The following RASGRF1 variants were observed in gnomAD, a reference collection of about 807,000 sequenced individuals.
The protein encoded by RASGRF1 is ras-specific guanine nucleotide-releasing factor 1.
A neutral mutation model predicts 138.7 loss-of-function variants in RASGRF1; 40 were observed. The observed-to-expected ratio is 0.29, with a 90% CI of 0.22 to 0.38. The LOEUF is 0.38. Ranked by LOEUF, RASGRF1 falls within the 10% of genes least tolerant of loss-of-function variation. The pLI, the probability that RASGRF1 is intolerant of heterozygous loss-of-function variation, is 1.00. For missense variants in RASGRF1, 1,108 were observed against 1,650.4 expected (o/e 0.67, Z 5.69); for synonymous variants, 614 against 663.2 (o/e 0.93, Z 1.14).
intron 22 of RASGRF1, 196 bp from the exon 23 acceptor site, chr15:78,985,400 T>C: frequency 1.8e-6 from 1 of 545,534 alleles, no homozygotes; most frequent in East Asian, 3.0e-5. Flanking sequence ...TATATATACA[T>C]TAGCAATAAT....
chr15:79,089,764 C>T (rs2058028769), intron 1 of RASGRF1, among the ~76,000 whole-genome samples: 1 of 152,266 alleles, frequency 6.6e-6, no homozygotes, highest in African/African-American at 2.4e-5. Context: ...GCTCGGACGC[C>T]TCCGTCTTGC....
rs1402870669 is a variant in RASGRF1 at position 79,027,046 on chromosome 15, C to G, written c.1381+695G>C. On this transcript the variant is annotated intron_variant, in intron 9 of 26. Coordinates refer to ENST00000558480, the MANE Select transcript of RASGRF1 (RefSeq NM_001145648.3). The surrounding 1 kb of genome is among the most constrained non-coding windows in gnomAD (Gnocchi z 4.8). The stretch of plus-strand genomic sequence containing the variant: ...ATCCCAGGGCTACAGAGAAGGGACT[C>G]TGGAGGTCCGTTTGAGGTGGAGGTC... 6.6e-6 allele frequency among the ~76,000 whole-genome samples: 1 copy of G among 152,208 alleles called. No individual in the cohort carries two copies. The highest frequency in any genetic ancestry group is 1.9e-4 in the East Asian group (1 of 5,194).
chr15:79,089,023 T>C lies in RASGRF1; in HGVS notation c.276+1200A>G, dbSNP rs533497562. Among the ~76,000 whole-genome samples the C allele has an allele frequency of 3.8e-4, 58 of 152,272 alleles. 1 individual carries two copies. Among genetic ancestry groups the C allele is most frequent in the Middle Eastern group, 3.4e-3 (1 of 294 alleles). On this transcript the variant is annotated intron_variant, in intron 1 of 26. Transcript: ENST00000558480. ...TGAGCTCGGATCTCTGTCCTGACAA[T>C]TGGGAGGAAGACTTCAAGCGATGCT...
At chr15:79,049,709 G>A (rs2057404733) in intron 3 of RASGRF1, 121 bp from the exon 4 acceptor site, 2 of 717,526 alleles carry the variant, frequency 2.8e-6, no homozygotes, top group Non-Finnish European at 4.6e-6. Flanking sequence ...TTCCCCAAGA[G>A]CCATGATGCC....
In RASGRF1 at chr15:79,050,575, G is replaced by A. The variant is rs528024290; in HGVS notation, c.532-987C>T. Among the ~76,000 whole-genome samples, 1 of 152,304 alleles carries A rather than the reference G, an allele frequency of 6.6e-6. No homozygotes were observed. Among genetic ancestry groups the A allele is most frequent in the African/African-American group, 2.4e-5 (1 of 41,562 alleles). On this transcript the variant is annotated intron_variant, in intron 3 of 26. Coordinates refer to ENST00000558480, the MANE Select transcript of RASGRF1 (RefSeq NM_001145648.3). This position sits in a 1 kb window ranked among gnomAD's most constrained non-coding sequence, Gnocchi z 4.1. ...TTCAATCATAACCTGGAAACTGCTGGCCTAGAAAAGTGGAGCAGCTCTTCA... is the reference window on the plus strand; with the variant it reads ...TTCAATCATAACCTGGAAACTGCTGACCTAGAAAAGTGGAGCAGCTCTTCA...
At chr15:78,999,704 C>A (rs2056476326) in intron 17 of RASGRF1, 39 bp downstream of exon 17, 2 of 1,601,114 alleles carry the variant, frequency 1.2e-6, no homozygotes, top group South Asian at 1.1e-5. Context: ...TGGGGCTGAC[C>A]ATGGGGAGGA....
chr15:79,064,110 T>C (rs2057644250), intron 2 of RASGRF1, among the ~76,000 whole-genome samples: 2 of 152,186 alleles, frequency 1.3e-5, no homozygotes, highest in African/African-American at 4.8e-5. Flanking sequence ...TTGGAGGCCT[T>C]AGGCTTCAGG....
chr15:79,018,029 A>G lies in RASGRF1; in HGVS notation c.1607-123T>C, dbSNP rs960643033. 4.2e-6 allele frequency: 5 copies of G among 1,179,158 alleles called. No homozygotes were observed. In the African/African-American group the frequency reaches 7.9e-5, roughly 19 times the overall value. The allele number at this position is 1,179,158 out of a possible 1,614,324, so 73.0% of individuals were successfully genotyped here. On this transcript the variant is annotated intron_variant, in intron 11 of 26. Transcript: ENST00000558480. ...TCTGCGTTGGTAAGGCACCAGGCCA[A>G]TTGCTGCTACTTTCAGAATATTATT...
At chr15:79,026,442 A>T (rs1219847598) in intron 9 of RASGRF1, among the ~76,000 whole-genome samples, 1 of 152,092 alleles carries the variant, frequency 6.6e-6, no homozygotes, top group Non-Finnish European at 1.5e-5. Context: ...TCCACCTGGC[A>T]CCTGGTGTTC....
At chr15:78,995,464 T>C (rs1489290080) in intron 20 of RASGRF1, among the ~76,000 whole-genome samples, 1 of 151,776 alleles carries the variant, frequency 6.6e-6, no homozygotes, top group Non-Finnish European at 1.5e-5. Context: ...AATTTTTGTA[T>C]TTTTAGTAGA....
chr15:79,055,772 G>C (rs1181723162), intron 3 of RASGRF1, among the ~76,000 whole-genome samples: 2 of 152,156 alleles, frequency 1.3e-5, no homozygotes, highest in African/African-American at 4.8e-5. Context: ...TGGGTTCACA[G>C]CGCAAGCCCT....
chr15:79,041,889 A>T (rs2057302010), intron 5 of RASGRF1, among the ~76,000 whole-genome samples: 1 of 152,154 alleles, frequency 6.6e-6, no homozygotes, highest in Admixed American at 6.5e-5. Context: ...TCCCCTGCTG[A>T]ACCTCATCAT....
rs57838945 is a variant in RASGRF1, at chr15:78,975,869, T to C, written c.3495-2449A>G. Among the ~76,000 whole-genome samples the C allele has an allele frequency of 3.7e-3, 565 of 152,336 alleles. 2 individuals carry two copies. Among genetic ancestry groups the C allele is most frequent in the African/African-American group, 0.013 (546 of 41,580 alleles). On this transcript the variant is annotated intron_variant, in intron 24 of 26. Coordinates refer to ENST00000558480, the MANE Select transcript of RASGRF1 (RefSeq NM_001145648.3). The stretch of plus-strand genomic sequence containing the variant: ...ACTCCAAGTCTGAAGCCCAGGCTTA[T>C]GAGTCTGATGGAGAAATAATCCAAA...
Position 78,985,582 on chromosome 15 carries a change from C to A in RASGRF1, c.3217-378G>T, listed in dbSNP as rs76012974. ...TTCCCAAATGGGAATGTAAATATGT[C>A]ATTTTTCTGACAACTAATACATGTG... On this transcript the variant is annotated intron_variant, in intron 22 of 26. Transcript: ENST00000558480. 360 of 188,190 alleles carry A rather than the reference C, an allele frequency of 1.9e-3. 8 individuals are homozygous for A. The East Asian group carries it at 0.045, about 24-fold the overall frequency. The allele number at this position is 188,190 out of a possible 1,614,324, so 11.7% of individuals were successfully genotyped here.
At chr15:78,986,369 CAG>C (rs974253550) in intron 22 of RASGRF1, among the ~76,000 whole-genome samples, 12 of 149,842 alleles carry the variant, frequency 8.0e-5, no homozygotes, top group African/African-American at 3.0e-4. Context: ...TTTTTTGAGA[CAG>C]AGTCTTGTTC....
chr15:79,009,806 C>A (rs2056756494), intron 13 of RASGRF1, among the ~76,000 whole-genome samples: 1 of 151,974 alleles, frequency 6.6e-6, no homozygotes, highest in Non-Finnish European at 1.5e-5. Flanking sequence ...CTCACTGCAA[C>A]CTCCGCCTCC....
chr15:79,058,680 C>T (rs554658788), intron 2 of RASGRF1, among the ~76,000 whole-genome samples, 199 bp from the exon 3 acceptor site: 81 of 152,276 alleles, frequency 5.3e-4, no homozygotes, highest in South Asian at 8.3e-4. Context: ...TGGAGCAAGG[C>T]GGGGCGGTGG....
chr15:79,009,140 C>T (rs1475475863), intron 13 of RASGRF1, among the ~76,000 whole-genome samples: 2 of 152,170 alleles, frequency 1.3e-5, no homozygotes, highest in East Asian at 3.8e-4. Flanking sequence ...AAGCAGTGGG[C>T]TGAAACACTG....
intron 1 of RASGRF1, among the ~76,000 whole-genome samples, chr15:79,065,364 T>G (rs1057269386): frequency 2.7e-5 from 4 of 149,136 alleles, no homozygotes; most frequent in African/African-American, 1.0e-4. Context: ...CCAGAGCTCA[T>G]AGCATATTTG....
Sources: allele counts gnomAD v4.1 joint callset (sites outside exome capture counted in the v4.1 genomes callset), GRCh38; gene constraint gnomAD v4.1.1; non-coding constraint Gnocchi (gnomAD v3.1); transcripts MANE v1.5; gene names NCBI Gene and HGNC (gene_info 2026-07-23, HGNC 2026-07-21).